Variants in MUC4 observed in about 807,000 individuals in gnomAD.
MUC4 encodes the protein mucin-4.
Under a neutral mutation model 257.9 loss-of-function variants are expected in MUC4, and 202 were observed. The observed-to-expected ratio is 0.78, with a 90% CI of 0.70 to 0.88. The LOEUF is 0.88. Ranked by LOEUF, MUC4 falls within the 40% of genes least tolerant of loss-of-function variation. MUC4 has a pLI of 0.00. For missense variants in MUC4, 5,976 were observed against 6,513.7 expected (o/e 0.92, Z 2.84); for synonymous variants, 2,351 against 2,757.1 (o/e 0.85, Z 4.62).
intron 6 of MUC4, 88 bp from the exon 7 acceptor site, chr3:195,769,240 G>A: frequency 2.0e-6 from 3 of 1,526,504 alleles, no homozygotes; most frequent in Middle Eastern, 3.5e-4. Context: ...CCACAGCCCT[G>A]CTCTGACACG....
intron 4 of MUC4, among the ~76,000 whole-genome samples, chr3:195,772,524 C>T (rs1430998870): frequency 1.6e-5 from 2 of 127,830 alleles, no homozygotes; most frequent in African/African-American, 7.0e-5. Flanking sequence ...TGTAGACACC[C>T]TCCCTTCATC....
At chr3:195,761,188 C>A in intron 15 of MUC4, 71 bp from the exon 16 acceptor site, 1 of 1,437,824 alleles carries the variant, frequency 7.0e-7, no homozygotes, top group Non-Finnish European at 9.8e-7. Flanking sequence ...CACCTCTACC[C>A]CTCACTTTAG....
chr3:195,802,910 T>G (rs976197125), intron 1 of MUC4, among the ~76,000 whole-genome samples: 1 of 152,098 alleles, frequency 6.6e-6, no homozygotes, highest in Admixed American at 6.5e-5. Context: ...GCAAAGGCCG[T>G]TTTCCTCAGC....
rs368201869 is a variant in MUC4, at chr3:195,779,451, T to G, written c.12129A>C (p.Thr4043=). 9.6e-6 allele frequency: 12 copies of G among 1,248,736 alleles called. 1 individual carries two copies. Among genetic ancestry groups the G allele is most frequent in the African/African-American group, 6.0e-5 (3 of 49,668 alleles). The allele number at this position is 1,248,736 out of a possible 1,614,324, so 77.4% of individuals were successfully genotyped here. ...VPVTSTSSAS[T]GDTTPLPVTN... is the part of the protein sequence containing the mutation. ...TGACAGGAAGAGGGGTGGTGTCACC[T>G]GTGGATGCTGAGGAAGTGCTGGTGA... is the stretch of plus-strand genomic sequence containing the variant. The change falls in exon 2 of 25, where the codon ACA becomes ACC. Residue 4043 remains threonine, a synonymous_variant. Coordinates refer to ENST00000463781, the MANE Select transcript of MUC4 (RefSeq NM_018406.7).
intron 1 of MUC4, among the ~76,000 whole-genome samples, chr3:195,799,260 T>TGTGTGTGTGTGTGTGTGTGA (rs1553889795): frequency 2.7e-5 from 4 of 149,116 alleles, no homozygotes; most frequent in African/African-American, 7.5e-5. Flanking sequence ...TGTGTGTGTG[T>TGTGTGTGTGTGTGTGTGTGA]GACACTGTGT....
Position 195,790,738 on chromosome 3 carries a change from G to A in MUC4, c.842C>T (p.Ser281Leu). The change falls in exon 2 of 25, where the codon TCA (serine) becomes TTA (leucine). Residue 281 changes from serine to leucine, a missense_variant. This residue lies in a region of MUC4 where 1,583 missense variants were observed against 1,257.4 expected (regional missense o/e 1.26). Coordinates refer to ENST00000463781, the MANE Select transcript of MUC4 (RefSeq NM_018406.7). ...GSTLGNPGET[S>L]SVPVTGSLMP... Reference sequence around the variant, plus strand: ...AAGACTTCCAGTAACAGGTACTGATGATGTCTCCCCTGGGTTTCCAAGAGT... The same window carrying A: ...AAGACTTCCAGTAACAGGTACTGATAATGTCTCCCCTGGGTTTCCAAGAGT... 2 of 1,614,022 alleles carry A rather than the reference G, an allele frequency of 1.2e-6. No individual in the cohort carries two copies. The highest frequency in any genetic ancestry group is 2.2e-5 in the South Asian group (2 of 91,074).
At chr3:195,774,434 A>G (rs1018195076) in intron 3 of MUC4, 129 bp from the exon 4 acceptor site, 14 of 1,210,824 alleles carry the variant, frequency 1.2e-5, no homozygotes, top group Non-Finnish European at 1.5e-5. Context: ...CCCCAGAGGC[A>G]GCCATCTAGG....
Position 195,789,252 on chromosome 3 carries a change from A to T in MUC4, c.2328T>A (p.Ala776=). 1.2e-6 allele frequency: 2 copies of T among 1,613,856 alleles called. No individual in the cohort carries two copies. The highest frequency in any genetic ancestry group is 1.7e-6 in the Non-Finnish European group (2 of 1,179,850). ...TTTGTCCAGAGGCCTCTGTGCTCTC[A>T]GCCTGGTGGGTATGGGTCATGGCTG... ...TAAAMTHTHQ[A]ESTEASGQTQ... is the part of the protein sequence containing the mutation. The change falls in exon 2 of 25, where the codon GCT becomes GCA. Residue 776 remains alanine, a synonymous_variant. Transcript: ENST00000463781.
chr3:195,798,252 A>G (rs1734800959), intron 1 of MUC4, among the ~76,000 whole-genome samples: 1 of 152,258 alleles, frequency 6.6e-6, no homozygotes, highest in Non-Finnish European at 1.5e-5. Context: ...GATGTGCTTA[A>G]TCTTTATGGA....
rs1718400208 is a variant in MUC4 at position 195,759,816 on chromosome 3, G to A, written c.14849-555C>T. ...TGCCTGTAATCTCAGCTATTCAGGAGGCTGAAACAGAAGAATCGCTTGAAC... is the reference window on the plus strand; with the variant it reads ...TGCCTGTAATCTCAGCTATTCAGGAAGCTGAAACAGAAGAATCGCTTGAAC... On this transcript the variant is annotated intron_variant, in intron 16 of 24. Coordinates refer to ENST00000463781, the MANE Select transcript of MUC4 (RefSeq NM_018406.7). Among the ~76,000 whole-genome samples, 4 of 138,696 alleles carry A rather than the reference G, an allele frequency of 2.9e-5. No homozygotes were observed. The South Asian group carries it at 9.1e-4, about 32-fold the overall frequency. The allele number at this position is 138,696 out of a possible 152,430, so 91.0% of individuals were successfully genotyped here.
intron 1 of MUC4, among the ~76,000 whole-genome samples, chr3:195,799,978 C>T (rs1735089819): frequency 6.6e-6 from 1 of 152,182 alleles, no homozygotes; most frequent in Non-Finnish European, 1.5e-5. Flanking sequence ...CTTTGCTTCA[C>T]AGCATCGACT....
chr3:195,803,196 T>C lies in MUC4; in HGVS notation c.82+8540A>G, dbSNP rs377546954. On this transcript the variant is annotated intron_variant, in intron 1 of 24. Transcript: ENST00000463781. ...AGAAATTACTTCAAGACAGCTCTTG[T>C]TAAAATAATGTCAGCCAGAGGTCCG... is the stretch of plus-strand genomic sequence containing the variant. Among the ~76,000 whole-genome samples the C allele has an allele frequency of 3.9e-5, 6 of 152,318 alleles. No homozygotes were observed. In the East Asian group the frequency reaches 1.2e-3, roughly 29 times the overall value.
In MUC4 at chr3:195,780,231, G is replaced by A; in HGVS notation, c.11349C>T (p.Ser3783=). 1 of 1,482,778 alleles carries A rather than the reference G, an allele frequency of 6.7e-7. No homozygotes were observed. The highest frequency in any genetic ancestry group is 9.2e-7 in the Non-Finnish European group (1 of 1,089,392). 91.9% of individuals were successfully genotyped at this position (1,482,778 alleles called of 1,614,324 possible). ...GGGTGGTGTCACCTGTGGATGCTGA[G>A]GAAGCGTCGGTGACAGGAAGAGGCG... ...HATPLPVTDA[S]SASTGDTTPL... The change falls in exon 2 of 25, where the codon TCC becomes TCT. Residue 3783 remains serine (S), a synonymous_variant. Coordinates refer to ENST00000463781, the MANE Select transcript of MUC4 (RefSeq NM_018406.7).
Position 195,791,399 on chromosome 3 carries a change from C to T in MUC4, c.181G>A (p.Ala61Thr), listed in dbSNP as rs1165037894. Residue 61 changes from alanine (A) to threonine (T), a missense_variant, in exon 2 of 25, where the codon GCT becomes ACT. Ala to Thr is a moderately conservative substitution (Grantham distance 58). Transcript: ENST00000463781. ...TCCTGATTAGAGGTCCTTGAAGAAG[C>T]TGCAGTTGATTGTCCCTCTAGTGTC... ...TATLEGQSTA[A>T]SSRTSNQDIS... 6.2e-7 allele frequency: 1 copy of T among 1,613,968 alleles called. No homozygotes were observed. Among genetic ancestry groups the T allele is most frequent in the Non-Finnish European group, 8.5e-7 (1 of 1,179,894 alleles).
chr3:195,788,183 G>A lies in MUC4; in HGVS notation c.3397C>T (p.His1133Tyr). The A allele has an allele frequency of 1.4e-6, 2 of 1,439,190 alleles. No individual in the cohort carries two copies. The highest frequency in any genetic ancestry group is 4.3e-5 in the Admixed American group (2 of 46,060). The allele number at this position is 1,439,190 out of a possible 1,614,324, so 89.2% of individuals were successfully genotyped here. ...TCGGTGACAGGAAGAGAGGTGGCGTGACCTGTGGATGCTGAGGAAGTGTCG... is the reference window on the plus strand; with the variant it reads ...TCGGTGACAGGAAGAGAGGTGGCGTAACCTGTGGATGCTGAGGAAGTGTCG... The part of the protein sequence containing the change: ...VTDTSSASTG[H>Y]ATSLPVTDTS... Residue 1133 changes from histidine (H) to tyrosine (Y), a missense_variant, in exon 2 of 25, where the codon CAC becomes TAC. His to Tyr is a moderately conservative substitution (Grantham distance 83). Around this residue, in one of 44 missense-constraint regions of MUC4, gnomAD observed 11 missense variants for 41.1 expected, o/e 0.27. Transcript: ENST00000463781.
In MUC4 at chr3:195,763,532, G is replaced by T; in HGVS notation, c.14154C>A (p.Phe4718Leu). Residue 4718 changes from phenylalanine to leucine, a missense_variant, in exon 12 of 25, where the codon TTC (phenylalanine) becomes TTA (leucine). Around this residue, in one of 44 missense-constraint regions of MUC4, gnomAD observed 996 missense variants for 1,137.3 expected, o/e 0.88. Transcript: ENST00000463781. ...TCTGGGCGGTGCGGCCCTGAAGCAGGAAGGAGGAGTTCCCGTCTTGGGCCC... is the reference window on the plus strand; with the variant it reads ...TCTGGGCGGTGCGGCCCTGAAGCAGTAAGGAGGAGTTCCCGTCTTGGGCCC... ...LVGAQDGNSS[F>L]LLQGRTAQTG... is the part of the protein sequence containing the mutation. 1 of 1,582,566 alleles carries T rather than the reference G, an allele frequency of 6.3e-7. No homozygotes were observed. Among genetic ancestry groups the T allele is most frequent in the South Asian group, 1.2e-5 (1 of 86,206 alleles).
rs73892859 is a variant in MUC4, at chr3:195,754,183, C to T, written c.15328+30G>A. 2.7e-3 allele frequency: 4,268 copies of T among 1,589,990 alleles called. 93 individuals are homozygous for T. In the African/African-American group the frequency reaches 0.052, roughly 19 times the overall value. Reference sequence around the variant, plus strand: ...TTGAGCTATCAGCTGCTCCCAGAAGCGCCTGCTCCAGGCCCTGTTCCCGGC... The same window carrying T: ...TTGAGCTATCAGCTGCTCCCAGAAGTGCCTGCTCCAGGCCCTGTTCCCGGC... On this transcript the variant is annotated intron_variant, in intron 19 of 24. Transcript: ENST00000463781.
At position 195,779,532 on chromosome 3, in the gene MUC4, A is replaced by G. The variant is rs578195226; in HGVS notation, c.12048T>C (p.Pro4016=). Residue 4016 remains proline, a synonymous_variant, in exon 2 of 25, where the codon CCT becomes CCC. Coordinates refer to ENST00000463781, the MANE Select transcript of MUC4 (RefSeq NM_018406.7). ...TSSVSTGHAT[P]LPVTSPSSAS... ...CTGAGGAAGGGCTGGTGACAGGAAG[A>G]GGGGTGGCGTGACCTGTAGATACTG... 3 of 1,243,452 alleles carry G rather than the reference A, an allele frequency of 2.4e-6. No homozygotes were observed. In the African/African-American group the frequency reaches 5.4e-5, roughly 23 times the overall value. 77.0% of individuals were successfully genotyped at this position (1,243,452 alleles called of 1,614,324 possible).
Position 195,788,327 on chromosome 3 carries a change from C to T in MUC4, c.3253G>A (p.Asp1085Asn), listed in dbSNP as rs1448295943. ...VTSLSSASTGDTTPLPVTDTS... is the reference protein window; with the variant it reads ...VTSLSSASTGNTTPLPVTDTS... ...TCAGTGACAGGAAGAGGGGTGGTGT[C>T]ACCTGTGGATGCTGAGGAAAGGCTG... The change falls in exon 2 of 25, where the codon GAC (aspartate) becomes AAC (asparagine). Residue 1085 changes from aspartate (D) to asparagine (N), a missense_variant. This residue lies in a region of MUC4 where 68 missense variants were observed against 90.4 expected (regional missense o/e 0.75). Coordinates refer to ENST00000463781, the MANE Select transcript of MUC4 (RefSeq NM_018406.7). 6.9e-7 allele frequency: 1 copy of T among 1,445,738 alleles called. No individual in the cohort carries two copies. Among genetic ancestry groups the T allele is most frequent in the Non-Finnish European group, 9.0e-7 (1 of 1,108,672 alleles). 89.6% of individuals were successfully genotyped at this position (1,445,738 alleles called of 1,614,324 possible). A position where few individuals can be genotyped will look rare whatever the true frequency, so the allele number is the denominator to read the frequency against.
Sources: allele counts gnomAD v4.1 joint callset (sites outside exome capture counted in the v4.1 genomes callset), GRCh38; gene constraint gnomAD v4.1.1; regional missense constraint gnomAD v4.1.1; transcripts MANE v1.5; gene names NCBI Gene and HGNC (gene_info 2026-07-23, HGNC 2026-07-21).